TRAPPC9: variants seen among roughly 807,000 people sequenced by gnomAD.
TRAPPC9 encodes trafficking protein particle complex subunit 9, also known as IKK2 binding protein.
Under a neutral mutation model 124.0 loss-of-function variants are expected in TRAPPC9, and 83 were observed. That is an observed-to-expected ratio of 0.67 (90% CI 0.56 to 0.80). TRAPPC9 has a LOEUF of 0.80. Among genes scored for constraint, TRAPPC9 ranks in the 30% least tolerant of loss-of-function variants. The probability of loss-of-function intolerance (pLI) is 0.00; values close to 1 mark genes in which losing one functional copy is unlikely to be tolerated. For missense variants in TRAPPC9, 1,302 were observed against 1,508.3 expected, an observed-to-expected ratio of 0.86 and a Z score of 2.27; for synonymous variants, 638 against 617.5, an observed-to-expected ratio of 1.03 and a Z score of -0.49.
At chr8:140,383,725 T>C (rs948383506) in intron 7 of TRAPPC9, among the ~76,000 whole-genome samples, 1 of 152,154 alleles carries the variant, frequency 6.6e-6, no homozygotes, top group Non-Finnish European at 1.5e-5. Context: ...TGGAACCAAG[T>C]TGGAAAACAC....
In TRAPPC9 at chr8:140,270,934, A is replaced by G. The variant is rs530438595; in HGVS notation, c.2278+4724T>C. On this transcript the variant is annotated intron_variant, in intron 15 of 22. Transcript: ENST00000438773. ...CAGCCACTCATGGATTTCTGAAGACAGAAGCAGGTGAAGACTTTTGCTTCA... is the reference window on the plus strand; with the variant it reads ...CAGCCACTCATGGATTTCTGAAGACGGAAGCAGGTGAAGACTTTTGCTTCA... Among the ~76,000 whole-genome samples the G allele has an allele frequency of 4.6e-5, 7 of 152,380 alleles. No homozygotes were observed. In the East Asian group the frequency reaches 1.3e-3, roughly 29 times the overall value.
At chr8:140,382,899 G>A (rs1222946028) in intron 7 of TRAPPC9, among the ~76,000 whole-genome samples, 4 of 152,224 alleles carry the variant, frequency 2.6e-5, no homozygotes, top group African/African-American at 9.6e-5. Context: ...CCTAACTTGG[G>A]GGGAGGCACC....
intron 17 of TRAPPC9, among the ~76,000 whole-genome samples, chr8:140,058,682 C>G (rs1842421961): frequency 6.6e-6 from 1 of 152,164 alleles, no homozygotes; most frequent in African/African-American, 2.4e-5. Flanking sequence ...ACCAGGGTTG[C>G]CAAGAAGGCC....
At chr8:140,382,113 T>A (rs2068626395) in intron 7 of TRAPPC9, among the ~76,000 whole-genome samples, 1 of 152,168 alleles carries the variant, frequency 6.6e-6, no homozygotes, top group Non-Finnish European at 1.5e-5. Context: ...AAACATGGTA[T>A]CTCCATATAG....
At chr8:140,365,630 C>T (rs986083246) in intron 8 of TRAPPC9, among the ~76,000 whole-genome samples, 2 of 152,236 alleles carry the variant, frequency 1.3e-5, no homozygotes, top group Non-Finnish European at 2.9e-5. Flanking sequence ...GCACCCCGCA[C>T]AGGCTGCAAC....
intron 15 of TRAPPC9, among the ~76,000 whole-genome samples, chr8:140,266,516 TA>T (rs1306925118): frequency 6.7e-6 from 1 of 149,568 alleles, no homozygotes; most frequent in Non-Finnish European, 1.5e-5. Context: ...CTAGAAGAAT[TA>T]CATGACATCG....
intron 19 of TRAPPC9, among the ~76,000 whole-genome samples, chr8:139,945,364 A>G (rs1006394123): frequency 6.6e-6 from 1 of 152,006 alleles, no homozygotes; most frequent in African/African-American, 2.4e-5. Flanking sequence ...ATCATTGTCC[A>G]TAATGAAGTG....
chr8:140,330,736 T>C (rs2066873423), intron 9 of TRAPPC9, among the ~76,000 whole-genome samples: 1 of 152,206 alleles, frequency 6.6e-6, no homozygotes, highest in Admixed American at 6.5e-5. Context: ...AGACCTGTAC[T>C]ACCCAGAGCA....
At chr8:140,080,582 G>C (rs754047546) in intron 17 of TRAPPC9, among the ~76,000 whole-genome samples, 12 of 152,272 alleles carry the variant, frequency 7.9e-5, no homozygotes, top group Non-Finnish European at 1.0e-4. Flanking sequence ...CATGTTGACT[G>C]ATCCAGCCCC....
At chr8:139,946,205 T>C (rs1484150052) in intron 19 of TRAPPC9, among the ~76,000 whole-genome samples, 1 of 152,212 alleles carries the variant, frequency 6.6e-6, no homozygotes, top group Admixed American at 6.5e-5. Flanking sequence ...CCTCCTGGTG[T>C]GGTCAAATAG....
At chr8:140,072,376 C>CA (rs1171902543) in intron 17 of TRAPPC9, among the ~76,000 whole-genome samples, 1 of 152,028 alleles carries the variant, frequency 6.6e-6, no homozygotes, top group Non-Finnish European at 1.5e-5. Flanking sequence ...ACTAAAAATA[C>CA]AAAAAATTAG....
intron 21 of TRAPPC9, among the ~76,000 whole-genome samples, chr8:139,764,586 C>G (rs1294192954): frequency 6.6e-6 from 1 of 152,188 alleles, no homozygotes; most frequent in East Asian, 1.9e-4. Flanking sequence ...GGTTCTGCCC[C>G]CTGTGGCCTG....
At chr8:140,401,592 G>C (rs2069273088) in intron 6 of TRAPPC9, among the ~76,000 whole-genome samples, 2 of 152,048 alleles carry the variant, frequency 1.3e-5, no homozygotes, top group South Asian at 4.1e-4. Flanking sequence ...ATATTTTAAT[G>C]TATATTACAA....
At position 140,291,093 on chromosome 8, in the gene TRAPPC9, C is replaced by T. The variant is rs532927187; in HGVS notation, c.1769-15G>A. The T allele has an allele frequency of 6.8e-6, 11 of 1,608,050 alleles. No individual in the cohort carries two copies. The East Asian group carries it at 1.6e-4, about 23-fold the overall frequency. On this transcript the variant is annotated splice_polypyrimidine_tract_variant and intron_variant, in intron 11 of 22. Transcript: ENST00000438773. ...CCACTGGAAATCTAGAAAATACACACACATAAATGAATCCATGTATTAGTT... is the reference window on the plus strand; with the variant it reads ...CCACTGGAAATCTAGAAAATACACATACATAAATGAATCCATGTATTAGTT...
chr8:140,189,355 A>G (rs1323719257), intron 17 of TRAPPC9, among the ~76,000 whole-genome samples: 2 of 152,208 alleles, frequency 1.3e-5, no homozygotes, highest in African/African-American at 2.4e-5. Context: ...CCAGCTCACT[A>G]TTTCAGAAGA....
chr8:140,019,542 C>CTTTTTTTTTTTTTTTTT (rs71320340), intron 18 of TRAPPC9, among the ~76,000 whole-genome samples: 2 of 43,858 alleles, frequency 4.6e-5, no homozygotes, highest in Non-Finnish European at 8.2e-5. Flanking sequence ...TAATTTGTGT[C>CTTTTTTTTTTTTTTTTT]TTTTTTTTTT....
chr8:140,156,658 C>A (rs2061635719), intron 17 of TRAPPC9, among the ~76,000 whole-genome samples: 1 of 152,178 alleles, frequency 6.6e-6, no homozygotes, highest in Non-Finnish European at 1.5e-5. Flanking sequence ...ATGACCTCTG[C>A]AGAAACAGAA....
intron 7 of TRAPPC9, among the ~76,000 whole-genome samples, chr8:140,379,139 A>G (rs887942836): frequency 1.3e-5 from 2 of 150,884 alleles, no homozygotes; most frequent in Admixed American, 1.3e-4. Context: ...TGCTCAGTCC[A>G]TGGCCCAGCC....
rs528681048 is a variant in TRAPPC9, at chr8:140,063,885, G to A, written c.2557-39806C>T. On this transcript the variant is annotated intron_variant, in intron 17 of 22. Coordinates refer to ENST00000438773, the MANE Select transcript of TRAPPC9 (RefSeq NM_001160372.4). This position sits in a 1 kb window ranked among gnomAD's most constrained non-coding sequence, Gnocchi z 4.3. ...TCACACCCCTAAATGCAAGGCACAC[G>A]GGTGGCCCTGCCTCCCGAAACATGC... Among the ~76,000 whole-genome samples the A allele has an allele frequency of 2.0e-5, 3 of 152,156 alleles. No individual in the cohort carries two copies. Among genetic ancestry groups the A allele is most frequent in the Non-Finnish European group, 2.9e-5 (2 of 68,000 alleles).
Sources: gnomAD v4.1 joint callset for allele counts (sites outside exome capture counted in the v4.1 genomes callset) on GRCh38, gnomAD v4.1.1 for gene constraint, Gnocchi (gnomAD v3.1) non-coding constraint, MANE v1.5 for transcripts, NCBI Gene and HGNC (gene_info 2026-07-23, HGNC 2026-07-21) for gene names.